DENND5B: variants seen among roughly 807,000 people sequenced by gnomAD.
DENND5B encodes DENN domain containing 5B, also known as DENN domain-containing protein 5B.
A neutral mutation model predicts 140.6 loss-of-function variants in DENND5B; 34 were observed. The observed-to-expected ratio is 0.24, with a 90% CI of 0.18 to 0.32. The LOEUF is 0.32. Ranked by LOEUF, DENND5B falls within the 10% of genes least tolerant of loss-of-function variation. The pLI, the probability that DENND5B is intolerant of heterozygous loss-of-function variation, is 1.00. For synonymous variants in DENND5B, 551 were observed against 562.1 expected (o/e 0.98, Z 0.28); for missense variants, 1,142 against 1,560.2 (o/e 0.73, Z 4.52).
chr12:31,546,747 C>A (rs1948877102), intron 1 of DENND5B, among the ~76,000 whole-genome samples: 1 of 152,060 alleles, frequency 6.6e-6, no homozygotes, highest in African/African-American at 2.4e-5. Flanking sequence ...ATTATAACCC[C>A]ACATCTAAAA....
At chr12:31,455,417 G>T (rs1227503149) in intron 4 of DENND5B, among the ~76,000 whole-genome samples, 2 of 152,186 alleles carry the variant, frequency 1.3e-5, no homozygotes, top group Non-Finnish European at 2.9e-5. Context: ...GTCTGCTTAA[G>T]AAGGGCCCAA....
intron 8 of DENND5B, among the ~76,000 whole-genome samples, chr12:31,428,442 C>T (rs1351822951): frequency 2.0e-5 from 3 of 152,194 alleles, no homozygotes; most frequent in African/African-American, 7.2e-5. Flanking sequence ...CGATCTGTCA[C>T]CCAGGCTGAA....
At chr12:31,439,142 A>T (rs989671994) in intron 7 of DENND5B, among the ~76,000 whole-genome samples, 8 of 152,352 alleles carry the variant, frequency 5.3e-5, no homozygotes, top group African/African-American at 1.9e-4. Flanking sequence ...TACCAATGAT[A>T]ATCACAATTG....
At chr12:31,410,439 A>G (rs183559552) in intron 13 of DENND5B, among the ~76,000 whole-genome samples, 50 of 152,270 alleles carry the variant, frequency 3.3e-4, no homozygotes, top group African/African-American at 1.1e-3. Flanking sequence ...GTCTCGTTCT[A>G]TAACCCAGGT....
intron 2 of DENND5B, among the ~76,000 whole-genome samples, chr12:31,495,019 T>A (rs548659651): frequency 6.6e-6 from 1 of 152,326 alleles, no homozygotes; most frequent in African/African-American, 2.4e-5. Flanking sequence ...CATCCACCGG[T>A]AACAATAATA....
intron 8 of DENND5B, among the ~76,000 whole-genome samples, chr12:31,427,292 TC>T (rs1472173823): frequency 6.6e-6 from 1 of 152,056 alleles, no homozygotes; most frequent in Admixed American, 6.6e-5. Context: ...CTCTCTCTCT[TC>T]TTTCTATGCT....
Position 31,496,708 on chromosome 12 carries a change from A to AT in DENND5B, c.128-790dup, listed in dbSNP as rs199970269. Among the ~76,000 whole-genome samples, 207 of 150,206 alleles carry AT rather than the reference A, an allele frequency of 1.4e-3. 1 individual carries two copies. The highest frequency in any genetic ancestry group is 1.1e-3 in the Non-Finnish European group (77 of 67,358). On this transcript the variant is annotated intron_variant, in intron 1 of 20. Coordinates refer to ENST00000389082, the MANE Select transcript of DENND5B (RefSeq NM_144973.4). ...GTGAGACCCCGTTTCTTTTCTTCCT[A>AT]TTTTTTTTTTAATAAATTTTTTAAA...
intron 1 of DENND5B, among the ~76,000 whole-genome samples, chr12:31,527,501 T>A (rs1948125321): frequency 6.6e-6 from 1 of 152,296 alleles, no homozygotes; most frequent in Non-Finnish European, 1.5e-5. Context: ...CACTCCAGGC[T>A]GGGCGTGGTG....
chr12:31,573,146 C>T (rs1325062476), intron 1 of DENND5B, among the ~76,000 whole-genome samples: 1 of 152,114 alleles, frequency 6.6e-6, no homozygotes, highest in African/African-American at 2.4e-5. Flanking sequence ...ATAGTTCCCA[C>T]ACTTGAAAGA....
chr12:31,540,114 C>T (rs973844110), intron 1 of DENND5B, among the ~76,000 whole-genome samples: 18 of 152,038 alleles, frequency 1.2e-4, no homozygotes, highest in African/African-American at 4.3e-4. Flanking sequence ...AGAAAGTAAT[C>T]CCATTTACAA....
chr12:31,387,104 G>A lies in DENND5B; in HGVS notation c.*499C>T, dbSNP rs1385622200. On this transcript the variant is annotated 3_prime_UTR_variant, in exon 21 of 21. Transcript: ENST00000389082. ...GAAGTGAAGACTACCAGTACAGTAGGTAAAGCTGTGTGCATCCACAATACA... is the reference window on the plus strand; with the variant it reads ...GAAGTGAAGACTACCAGTACAGTAGATAAAGCTGTGTGCATCCACAATACA... The A allele has an allele frequency of 6.6e-6, 1 of 152,478 alleles. No individual in the cohort carries two copies. The highest frequency in any genetic ancestry group is 1.5e-5 in the Non-Finnish European group (1 of 68,362). 9.4% of individuals were successfully genotyped at this position (152,478 alleles called of 1,614,324 possible). A position where few individuals can be genotyped will look rare whatever the true frequency, so the allele number is the denominator to read the frequency against.
At chr12:31,516,335 C>G (rs1150948) in intron 1 of DENND5B, among the ~76,000 whole-genome samples, 98,047 of 151,792 alleles carry the variant, frequency 0.65, 31,804 homozygotes, top group Admixed American at 0.75. Flanking sequence ...AATTAGACAG[C>G]TGTGGTGGTG....
rs993951261 is a variant in DENND5B, at chr12:31,386,245, G to A, written c.*1358C>T. The A allele has an allele frequency of 6.5e-6, 1 of 154,830 alleles. No individual in the cohort carries two copies. Among genetic ancestry groups the A allele is most frequent in the Non-Finnish European group, 1.5e-5 (1 of 68,234 alleles). The allele number at this position is 154,830 out of a possible 1,614,324, so 9.6% of individuals were successfully genotyped here. Reference sequence around the variant, plus strand: ...CTGAGGCAATTTTGCTGCTAAAAATGTACAAATGCCTAATTAGAGTTACAG... The same window carrying A: ...CTGAGGCAATTTTGCTGCTAAAAATATACAAATGCCTAATTAGAGTTACAG... On this transcript the variant is annotated 3_prime_UTR_variant, in exon 21 of 21. Coordinates refer to ENST00000389082, the MANE Select transcript of DENND5B (RefSeq NM_144973.4).
At chr12:31,515,784 T>G (rs1383745369) in intron 1 of DENND5B, among the ~76,000 whole-genome samples, 1 of 152,228 alleles carries the variant, frequency 6.6e-6, no homozygotes, top group Non-Finnish European at 1.5e-5. Flanking sequence ...CTACTCAAAA[T>G]TCTGTACTGC....
intron 7 of DENND5B, among the ~76,000 whole-genome samples, chr12:31,440,834 C>A (rs1255481835): frequency 3.3e-5 from 5 of 152,130 alleles, no homozygotes; most frequent in African/African-American, 4.8e-5. Context: ...CTCCCAGGCT[C>A]CAGTGATTCT....
At position 31,444,300 on chromosome 12, in the gene DENND5B, A is replaced by G. The variant is rs139367431; in HGVS notation, c.1862-1375T>C. ...CAGATGGAGTCTAGGCTGGAGTGCA[A>G]TGGCGCAATCTCAGCTCACTGCAAC... On this transcript the variant is annotated intron_variant, in intron 6 of 20. Coordinates refer to ENST00000389082, the MANE Select transcript of DENND5B (RefSeq NM_144973.4). The G allele has an allele frequency of 9.5e-3, 1,444 of 152,116 alleles. 28 individuals carry two copies. Among genetic ancestry groups the G allele is most frequent in the African/African-American group, 0.033 (1,386 of 41,472 alleles). The allele number at this position is 152,116 out of a possible 1,614,324, so 9.4% of individuals were successfully genotyped here.
Position 31,447,748 on chromosome 12 carries a change from G to T in DENND5B, c.1651C>A (p.Pro551Thr). The change falls in exon 6 of 21, where the codon CCT becomes ACT. Residue 551 changes from proline to threonine, a missense_variant. This residue lies in a region of DENND5B where 708 missense variants were observed against 905.5 expected (regional missense o/e 0.78). Transcript: ENST00000389082. Reference protein sequence around the residue: ...FDKASFLSDQPEPYLPFLSRF... With the variant: ...FDKASFLSDQTEPYLPFLSRF... Reference sequence around the variant, plus strand: ...GAAAGAAATGGCAGGTAAGGCTCAGGCTGGTCAGACAGAAAGGAAGCCTGT... The same window carrying T: ...GAAAGAAATGGCAGGTAAGGCTCAGTCTGGTCAGACAGAAAGGAAGCCTGT... 2 of 1,600,942 alleles carry T rather than the reference G, an allele frequency of 1.2e-6. No individual in the cohort carries two copies. Among genetic ancestry groups the T allele is most frequent in the Non-Finnish European group, 1.7e-6 (2 of 1,173,394 alleles).
intron 13 of DENND5B, among the ~76,000 whole-genome samples, chr12:31,412,256 G>T (rs190086454): frequency 6.6e-6 from 1 of 151,942 alleles, no homozygotes; most frequent in East Asian, 1.9e-4. Context: ...CCTCGAAGAG[G>T]GTTTCTTGAT....
chr12:31,434,241 A>G (rs1203390631), intron 7 of DENND5B, among the ~76,000 whole-genome samples: 1 of 152,150 alleles, frequency 6.6e-6, no homozygotes, highest in Non-Finnish European at 1.5e-5. Context: ...CTTAAATATA[A>G]AGACCTCTGC....
Sources: allele counts gnomAD v4.1 joint callset (sites outside exome capture counted in the v4.1 genomes callset), GRCh38; gene constraint gnomAD v4.1.1; regional missense constraint gnomAD v4.1.1; transcripts MANE v1.5; gene names NCBI Gene and HGNC (gene_info 2026-07-23, HGNC 2026-07-21).